Variants in LRBA observed in about 807,000 individuals in gnomAD.
LRBA encodes lipopolysaccharide-responsive and beige-like anchor protein.
Under a neutral mutation model 330.0 loss-of-function variants are expected in LRBA, and 176 were observed. The observed-to-expected ratio is 0.53, with a 90% confidence interval of 0.47 to 0.60. LRBA has a LOEUF of 0.60. Among genes scored for constraint, LRBA ranks in the 20% least tolerant of loss-of-function variants. LRBA has a pLI of 0.00. For synonymous variants in LRBA, 1,230 were observed against 1,193.0 expected (o/e 1.03, Z -0.64); for missense variants, 3,259 against 3,444.8 (o/e 0.95, Z 1.35).
chr4:150,373,166 T>A (rs970993690), intron 47 of LRBA, among the ~76,000 whole-genome samples: 297 of 122,222 alleles, frequency 2.4e-3, no homozygotes, highest in East Asian at 7.1e-3. Flanking sequence ...TGTGTGTGTG[T>A]GTGTGTGAGA....
At chr4:150,422,171 G>GA (rs1387117025) in intron 46 of LRBA, among the ~76,000 whole-genome samples, 1 of 152,100 alleles carries the variant, frequency 6.6e-6, no homozygotes, top group African/African-American at 2.4e-5. Flanking sequence ...GTGAGGTGAG[G>GA]ACTGCTTGAG....
intron 33 of LRBA, 113 bp downstream of exon 33, chr4:150,806,158 G>A (rs1372293179): frequency 1.4e-6 from 1 of 739,014 alleles, no homozygotes; most frequent in Non-Finnish European, 2.1e-6. Context: ...GAGAAACCTT[G>A]TCAAAGGCTG....
At chr4:150,891,402 G>C (rs978301045) in intron 17 of LRBA, among the ~76,000 whole-genome samples, 1 of 152,164 alleles carries the variant, frequency 6.6e-6, no homozygotes, top group African/African-American at 2.4e-5. Flanking sequence ...AACTGGGCTA[G>C]GCCATGGTAT....
At chr4:150,986,880 G>A (rs1196118609) in intron 2 of LRBA, among the ~76,000 whole-genome samples, 2 of 152,172 alleles carry the variant, frequency 1.3e-5, no homozygotes, top group Non-Finnish European at 2.9e-5. Flanking sequence ...CGTGCGATAG[G>A]TGAAAGGAGA....
Position 150,798,065 on chromosome 4 carries a change from T to C in LRBA, c.5580+16A>G. 6.4e-7 allele frequency: 1 copy of C among 1,565,594 alleles called. No homozygotes were observed. The highest frequency in any genetic ancestry group is 1.7e-5 in the Admixed American group (1 of 59,238). On this transcript the variant is annotated intron_variant, in intron 34 of 56. Transcript: ENST00000651943. ...GATAATCTACTTTTAATTCAACATT[T>C]ATTCTTGCCACTCACCTGAGAACAC...
At chr4:150,603,220 G>C (rs1423700601) in intron 37 of LRBA, among the ~76,000 whole-genome samples, 1 of 152,154 alleles carries the variant, frequency 6.6e-6, no homozygotes, top group East Asian at 1.9e-4. Context: ...TGGAACATAT[G>C]TCTTTAAAAA....
chr4:150,488,912 C>A (rs1758223873), intron 41 of LRBA, among the ~76,000 whole-genome samples: 1 of 125,770 alleles, frequency 8.0e-6, no homozygotes, highest in African/African-American at 2.9e-5. Context: ...AGAATATATA[C>A]ACACACATAA....
intron 34 of LRBA, among the ~76,000 whole-genome samples, chr4:150,781,207 A>G (rs938600945): frequency 6.6e-6 from 1 of 152,168 alleles, no homozygotes; most frequent in Non-Finnish European, 1.5e-5. Flanking sequence ...ACTACATTGT[A>G]CTATGTAGCA....
intron 34 of LRBA, among the ~76,000 whole-genome samples, chr4:150,770,620 C>T (rs1000290027): frequency 1.3e-5 from 2 of 151,730 alleles, no homozygotes; most frequent in African/African-American, 4.8e-5. Flanking sequence ...AACACATATA[C>T]ACACACAAAA....
chr4:150,555,410 A>G (rs548167379), intron 40 of LRBA, among the ~76,000 whole-genome samples: 1 of 152,292 alleles, frequency 6.6e-6, no homozygotes, highest in Admixed American at 6.5e-5. Flanking sequence ...CATAAACGAC[A>G]CTACTATGCT....
intron 24 of LRBA, 111 bp downstream of exon 24, chr4:150,850,613 T>C: frequency 1.7e-6 from 1 of 601,164 alleles, no homozygotes; most frequent in Non-Finnish European, 2.7e-6. Flanking sequence ...ATAATTTCTA[T>C]TCTACTTTTT....
rs929456641 is a variant in LRBA, at chr4:150,375,053, G to A, written c.7195-24894C>T. Among the ~76,000 whole-genome samples, 4 of 144,454 alleles carry A rather than the reference G, an allele frequency of 2.8e-5. No homozygotes were observed. The Admixed American group carries it at 2.9e-4, about 10-fold the overall frequency. 94.8% of individuals were successfully genotyped at this position (144,454 alleles called of 152,430 possible). ...AACCTGCAGGCTTGTAACAACAAGA[G>A]GGCATATAACCCATAAGCCTGTAAG... is the stretch of plus-strand genomic sequence containing the variant. On this transcript the variant is annotated intron_variant, in intron 47 of 56. Coordinates refer to ENST00000651943, the MANE Select transcript of LRBA (RefSeq NM_001364905.1).
intron 47 of LRBA, among the ~76,000 whole-genome samples, chr4:150,385,037 C>T (rs1000038587): frequency 2.6e-5 from 4 of 151,920 alleles, no homozygotes; most frequent in Admixed American, 2.6e-4. Context: ...TGTTTACAAA[C>T]CATTACTTGA....
At chr4:150,534,820 G>A (rs956331197) in intron 40 of LRBA, among the ~76,000 whole-genome samples, 1 of 152,060 alleles carries the variant, frequency 6.6e-6, no homozygotes, top group Non-Finnish European at 1.5e-5. Context: ...AGATGCCATT[G>A]TCTATAAAAA....
intron 2 of LRBA, among the ~76,000 whole-genome samples, chr4:150,959,534 T>G (rs1737906245): frequency 6.7e-6 from 1 of 149,282 alleles, no homozygotes; most frequent in Non-Finnish European, 1.5e-5. Context: ...AAGTGCCTAC[T>G]GGCCAAAAAT....
At chr4:150,500,005 A>C (rs924458524) in intron 40 of LRBA, among the ~76,000 whole-genome samples, 1 of 152,134 alleles carries the variant, frequency 6.6e-6, no homozygotes, top group African/African-American at 2.4e-5. Context: ...AAAAGATACA[A>C]AATTACAGTT....
At chr4:150,823,308 T>C (rs1745742031) in intron 30 of LRBA, among the ~76,000 whole-genome samples, 1 of 152,180 alleles carries the variant, frequency 6.6e-6, no homozygotes, top group Non-Finnish European at 1.5e-5. Flanking sequence ...TATTAATACA[T>C]TTCTTCCTAT....
intron 2 of LRBA, among the ~76,000 whole-genome samples, chr4:150,950,715 T>C (rs968794014): frequency 2.0e-5 from 3 of 152,196 alleles, no homozygotes; most frequent in Non-Finnish European, 4.4e-5. Context: ...TTCACTGTAA[T>C]AGACAATGTT....
intron 37 of LRBA, among the ~76,000 whole-genome samples, chr4:150,616,187 T>C (rs1233476134): frequency 6.6e-6 from 1 of 152,178 alleles, no homozygotes; most frequent in African/African-American, 2.4e-5. Flanking sequence ...TGACAGGATA[T>C]ATAATTCGAG....
Sources: allele counts gnomAD v4.1 joint callset (sites outside exome capture counted in the v4.1 genomes callset), GRCh38; gene constraint gnomAD v4.1.1; transcripts MANE v1.5; gene names NCBI Gene and HGNC (gene_info 2026-07-23, HGNC 2026-07-21).